SOX6: variants seen among roughly 807,000 people sequenced by gnomAD.
The protein encoded by SOX6 is SRY-box transcription factor 6, also known as transcription factor SOX-6.
Under a neutral mutation model 97.8 loss-of-function variants are expected in SOX6, and 11 were observed. The ratio of observed to expected loss-of-function variants is 0.11; its 90% CI spans 0.07 to 0.19. The LOEUF is 0.19. Ranked by LOEUF, SOX6 falls within the 10% of genes least tolerant of loss-of-function variation. The probability of loss-of-function intolerance (pLI) is 1.00; values close to 1 mark genes in which losing one functional copy is unlikely to be tolerated. For synonymous variants in SOX6, 360 were observed against 371.4 expected (o/e 0.97, Z 0.35); for missense variants, 810 against 1,039.5 (o/e 0.78, Z 3.04).
intron 3 of SOX6, among the ~76,000 whole-genome samples, chr11:16,266,899 A>G (rs1236842553): frequency 6.6e-6 from 1 of 151,628 alleles, no homozygotes; most frequent in Non-Finnish European, 1.5e-5. Flanking sequence ...AGACTTAAAT[A>G]CAACCATATC....
chr11:16,039,218 T>A (rs1855594111), intron 12 of SOX6, among the ~76,000 whole-genome samples: 1 of 152,126 alleles, frequency 6.6e-6, no homozygotes, highest in Non-Finnish European at 1.5e-5. Flanking sequence ...TTACTGCACG[T>A]ATCACTGCAA....
intron 1 of SOX6, among the ~76,000 whole-genome samples, chr11:16,352,250 TG>T (rs1856966550): frequency 6.8e-6 from 1 of 147,390 alleles, no homozygotes; most frequent in Non-Finnish European, 1.5e-5. Flanking sequence ...AATGGGCAGA[TG>T]ATGGATGGAT....
chr11:16,052,225 T>A (rs1287540565), intron 10 of SOX6, among the ~76,000 whole-genome samples: 1 of 152,112 alleles, frequency 6.6e-6, no homozygotes. Context: ...CCCAATTAAG[T>A]GAATCCCTTT....
At chr11:16,538,180 T>TA (rs1353716108) in intron 4 of SOX6, among the ~76,000 whole-genome samples, 6 of 151,768 alleles carry the variant, frequency 4.0e-5, no homozygotes. Context: ...TCAACACTCT[T>TA]AAAAAAAAGA....
chr11:16,092,713 A>G (rs1256512687), intron 9 of SOX6, among the ~76,000 whole-genome samples: 1 of 151,922 alleles, frequency 6.6e-6, no homozygotes, highest in Non-Finnish European at 1.5e-5. Context: ...ATGGTACCAG[A>G]TTTTGTTTAA....
intron 3 of SOX6, among the ~76,000 whole-genome samples, chr11:16,244,337 A>T (rs10766312): frequency 0.78 from 118,008 of 151,716 alleles, 46,044 homozygotes; most frequent in Non-Finnish European, 0.8. Flanking sequence ...CTGGGTTGTG[A>T]AGTCGTCTCT....
intron 3 of SOX6, chr11:16,317,747 T>C (rs1855793315): frequency 6.0e-6 from 1 of 166,022 alleles, no homozygotes; most frequent in African/African-American, 2.4e-5. Flanking sequence ...ACTCTACATT[T>C]TAAGGCCTAA....
At chr11:16,283,445 A>G (rs935619202) in intron 3 of SOX6, among the ~76,000 whole-genome samples, 10 of 151,730 alleles carry the variant, frequency 6.6e-5, no homozygotes, top group Non-Finnish European at 1.5e-4. Context: ...ATTATGTTCA[A>G]AAGGTGAAAC....
intron 3 of SOX6, among the ~76,000 whole-genome samples, chr11:16,662,884 T>C (rs1174875721): frequency 6.6e-6 from 1 of 152,030 alleles, no homozygotes; most frequent in Admixed American, 6.6e-5. Flanking sequence ...GGGGAGATAG[T>C]GTCTCCTATG....
chr11:16,235,304 T>A, intron 3 of SOX6, among the ~76,000 whole-genome samples: 1 of 152,226 alleles, frequency 6.6e-6, no homozygotes, highest in East Asian at 1.9e-4. Context: ...CATTTATTAT[T>A]TGCCCCACTG....
intron 2 of SOX6, among the ~76,000 whole-genome samples, chr11:16,731,545 C>T (rs770430539): frequency 6.6e-6 from 1 of 152,094 alleles, no homozygotes; most frequent in Non-Finnish European, 1.5e-5. Flanking sequence ...AAATTCAACA[C>T]CCTTTCATAC....
At chr11:16,008,908 C>T (rs1000865660) in intron 13 of SOX6, among the ~76,000 whole-genome samples, 3 of 152,124 alleles carry the variant, frequency 2.0e-5, no homozygotes, top group East Asian at 1.9e-4. Flanking sequence ...GCTGTTACTC[C>T]TTTTCACCAG....
intron 3 of SOX6, among the ~76,000 whole-genome samples, chr11:16,306,640 T>TC (rs34684347): frequency 6.7e-6 from 1 of 149,250 alleles, no homozygotes; most frequent in Admixed American, 6.7e-5. Flanking sequence ...TTTTTTTTTT[T>TC]CCTGAGACAG....
At chr11:16,514,788 T>C (rs1195319567) in intron 4 of SOX6, among the ~76,000 whole-genome samples, 2 of 149,452 alleles carry the variant, frequency 1.3e-5, no homozygotes, top group African/African-American at 2.5e-5. Context: ...TGAGTGAGAA[T>C]ATGCGGTGTT....
intron 4 of SOX6, among the ~76,000 whole-genome samples, chr11:16,502,661 G>T (rs893974374): frequency 1.3e-5 from 2 of 152,154 alleles, no homozygotes; most frequent in African/African-American, 4.8e-5. Flanking sequence ...AACCAAGTCA[G>T]ATTAAAATAA....
chr11:16,425,785 C>T lies in SOX6; in HGVS notation c.-5+50530G>A, dbSNP rs542494608. 1.4e-4 allele frequency among the ~76,000 whole-genome samples: 21 copies of T among 152,170 alleles called. 1 individual carries two copies. The highest frequency in any genetic ancestry group is 8.3e-4 in the South Asian group (4 of 4,820). On this transcript the variant is annotated intron_variant, in intron 1 of 15. Coordinates refer to the SOX6 transcript ENST00000396356. Reference sequence around the variant, plus strand: ...AGGTGAAAGATCTCTACAAGGAGAACTACAAACCACTGCTCACAGAAATCA... The same window carrying T: ...AGGTGAAAGATCTCTACAAGGAGAATTACAAACCACTGCTCACAGAAATCA...
chr11:16,675,903 G>A (rs1321845581), intron 3 of SOX6, among the ~76,000 whole-genome samples: 2 of 152,072 alleles, frequency 1.3e-5, no homozygotes, highest in East Asian at 3.8e-4. Context: ...AACTTATCTT[G>A]GTGTGGCTCT....
intron 3 of SOX6, among the ~76,000 whole-genome samples, chr11:16,298,951 C>T (rs1408024780): frequency 1.3e-5 from 2 of 151,948 alleles, no homozygotes; most frequent in South Asian, 4.2e-4. Context: ...ACAAGAATTG[C>T]GTTTGCTGGA....
chr11:16,083,239 A>G (rs889755071), intron 9 of SOX6, among the ~76,000 whole-genome samples: 2 of 152,202 alleles, frequency 1.3e-5, no homozygotes, highest in Non-Finnish European at 1.5e-5. Flanking sequence ...CAAGAGTCAA[A>G]TTCTCTTGAT....
Sources: allele counts gnomAD v4.1 joint callset (sites outside exome capture counted in the v4.1 genomes callset), GRCh38; gene constraint gnomAD v4.1.1; transcripts MANE v1.5; gene names NCBI Gene and HGNC (gene_info 2026-07-23, HGNC 2026-07-21).